Variants in PGBD1 observed in about 807,000 individuals in gnomAD.
The protein encoded by PGBD1 is piggyBac transposable element-derived protein 1.
PGBD1 carries 25 observed loss-of-function variants against 34.7 expected under a neutral mutation model. The ratio of observed to expected loss-of-function variants is 0.72; its 90% CI spans 0.52 to 1.00. PGBD1 has a LOEUF of 1.00. PGBD1 is among the 50% of genes least tolerant of loss of function. PGBD1 has a pLI of 0.00. For missense variants in PGBD1, 830 were observed against 959.4 expected, an observed-to-expected ratio of 0.87 and a Z score of 1.78; for synonymous variants, 292 against 335.7, an observed-to-expected ratio of 0.87 and a Z score of 1.42.
At chr6:28,285,126 G>C (rs1366297490) in intron 2 of PGBD1, among the ~76,000 whole-genome samples, 1 of 152,062 alleles carries the variant, frequency 6.6e-6, no homozygotes, top group Non-Finnish European at 1.5e-5. Context: ...CCCTCAATTT[G>C]AGTTTGTCCT....
chr6:28,297,993 TGA>T lies in PGBD1; in HGVS notation c.869+4_869+5del. On this transcript the variant is annotated splice_donor_region_variant and intron_variant, in intron 6 of 6. Coordinates refer to ENST00000682144, the MANE Select transcript of PGBD1 (RefSeq NM_032507.4). ...AGAAGCCTCAGGAAAGCCCAACAGG[TGA>T]GTGTCCATGGTCCTCAGTGAATCAA... 1.3e-6 allele frequency: 2 copies of T among 1,581,528 alleles called. No individual in the cohort carries two copies. Among genetic ancestry groups the T allele is most frequent in the Non-Finnish European group, 1.7e-6 (2 of 1,152,600 alleles).
chr6:28,300,885 A>C lies in PGBD1; in HGVS notation c.1031A>C (p.Lys344Thr), dbSNP rs1176342200. 1.2e-6 allele frequency: 2 copies of C among 1,614,164 alleles called. No individual in the cohort carries two copies. The highest frequency in any genetic ancestry group is 1.7e-6 in the Non-Finnish European group (2 of 1,180,028). Residue 344 changes from lysine (K) to threonine (T), a missense_variant, in exon 7 of 7, where the codon AAA becomes ACA. By Grantham distance (78) the Lys-to-Thr change is moderately conservative. Around this residue, in one of 3 missense-constraint regions of PGBD1, gnomAD observed 457 missense variants for 515.4 expected, o/e 0.89. Transcript: ENST00000682144. The surrounding 1 kb of genome is among the most constrained non-coding windows in gnomAD (Gnocchi z 4.0). ...GGAGACATTACCCGAAAAGGGAGAA[A>C]AAAAGACAAAGCTCGAGTGAGTGAA... ...AAGDITRKGRKKDKARVSELL... is the reference protein window; with the variant it reads ...AAGDITRKGRTKDKARVSELL...
chr6:28,290,817 C>T (rs190158273), intron 4 of PGBD1, among the ~76,000 whole-genome samples: 18 of 151,910 alleles, frequency 1.2e-4, no homozygotes, highest in Admixed American at 7.9e-4. Flanking sequence ...TACACAAACG[C>T]GTGGAAATTA....
chr6:28,293,612 A>C (rs1324551863), intron 4 of PGBD1, among the ~76,000 whole-genome samples: 1 of 152,202 alleles, frequency 6.6e-6, no homozygotes, highest in Non-Finnish European at 1.5e-5. Context: ...ACTCTGTGTC[A>C]CATTTTGGTA....
intron 4 of PGBD1, among the ~76,000 whole-genome samples, chr6:28,295,754 A>C (rs987291441): frequency 7.2e-5 from 11 of 152,222 alleles, no homozygotes; most frequent in African/African-American, 2.7e-4. Flanking sequence ...AAGCCAAGAA[A>C]TTTCTGTGAC....
chr6:28,297,821 T>G (rs1171351327), intron 5 of PGBD1, 74 bp from the exon 6 acceptor site: 8 of 169,152 alleles, frequency 4.7e-5, no homozygotes, highest in Admixed American at 4.1e-4. Context: ...TGGAAGTTTT[T>G]TTTTTTTTTT....
chr6:28,299,845 A>G (rs1762770088), intron 6 of PGBD1, among the ~76,000 whole-genome samples: 1 of 152,034 alleles, frequency 6.6e-6, no homozygotes, highest in South Asian at 2.1e-4. Context: ...TACTAAAAAT[A>G]CAAAAATTAG....
In PGBD1 at chr6:28,300,410, A is replaced by G. The variant is rs1288783545; in HGVS notation, c.870-314A>G. On this transcript the variant is annotated intron_variant, in intron 6 of 6. Transcript: ENST00000682144. The surrounding 1 kb of genome is among the most constrained non-coding windows in gnomAD (Gnocchi z 4.0). ...CCTCTGCATAGGTCTTCTCAATGCA[A>G]CTTGGGGCACCAAGGAGCATGGGAT... 6.6e-6 allele frequency among the ~76,000 whole-genome samples: 1 copy of G among 152,160 alleles called. No homozygotes were observed. Among genetic ancestry groups the G allele is most frequent in the Non-Finnish European group, 1.5e-5 (1 of 68,024 alleles).
rs201690431 is a variant in PGBD1, at chr6:28,301,108, C to A, written c.1254C>A (p.Asn418Lys). 22 of 1,613,960 alleles carry A rather than the reference C, an allele frequency of 1.4e-5. No homozygotes were observed. Among genetic ancestry groups the A allele is most frequent in the Non-Finnish European group, 1.8e-5 (21 of 1,180,008 alleles). ...TGAATCTCAAGAGCGAAAAGTTGAA[C>A]CCAGTAGAGCTTTTTGAATTATTTT... is the stretch of plus-strand genomic sequence containing the variant. ...GLLNLKSEKL[N>K]PVELFELFFD... Residue 418 changes from asparagine (N) to lysine (K), a missense_variant, in exon 7 of 7, where the codon AAC (asparagine) becomes AAA (lysine). By Grantham distance (94) the Asn-to-Lys change is moderately conservative. Around this residue, in one of 3 missense-constraint regions of PGBD1, gnomAD observed 457 missense variants for 515.4 expected, o/e 0.89. Transcript: ENST00000682144.
At chr6:28,298,742 T>C (rs552154799) in intron 6 of PGBD1, among the ~76,000 whole-genome samples, 33 of 152,190 alleles carry the variant, frequency 2.2e-4, no homozygotes, top group Non-Finnish European at 4.4e-4. Context: ...TTGTAACAGA[T>C]ACTCCTATGC....
At position 28,301,678 on chromosome 6, in the gene PGBD1, G is replaced by A; in HGVS notation, c.1824G>A (p.Met608Ile). Residue 608 changes from methionine to isoleucine, a missense_variant, in exon 7 of 7, where the codon ATG (methionine) becomes ATA (isoleucine). By Grantham distance (10) the Met-to-Ile change is conservative. Transcript: ENST00000682144. ...PDLGLGGNLV[M>I]NFADVLLERG... ...TTGGGTTAGGTGGAAATCTAGTGAT[G>A]AACTTCGCTGATGTTCTTTTAGAGA... 6.2e-7 allele frequency: 1 copy of A among 1,614,116 alleles called. No homozygotes were observed. The highest frequency in any genetic ancestry group is 8.5e-7 in the Non-Finnish European group (1 of 1,180,008).
chr6:28,302,192 G>T lies in PGBD1; in HGVS notation c.2338G>T (p.Ala780Ser), dbSNP rs139051198. ...GAACAATGCATGGCAACTACACAGA[G>T]CCTGTAACCCAGGTGCTTCTCTAGA... ...AMNNAWQLHR[A>S]CNPGASLDPL... The change falls in exon 7 of 7, where the codon GCC becomes TCC. Residue 780 changes from alanine to serine, a missense_variant. Transcript: ENST00000682144. 5.6e-6 allele frequency: 9 copies of T among 1,614,020 alleles called. No individual in the cohort carries two copies. The highest frequency in any genetic ancestry group is 1.3e-5 in the African/African-American group (1 of 74,902).
intron 6 of PGBD1, 50 bp downstream of exon 6, chr6:28,298,041 T>C: frequency 7.7e-7 from 1 of 1,299,746 alleles, no homozygotes; most frequent in South Asian, 1.2e-5. Flanking sequence ...TATAAGAAAT[T>C]GGAATGGAAT....
chr6:28,298,794 C>A (rs966210623), intron 6 of PGBD1, among the ~76,000 whole-genome samples: 3 of 152,010 alleles, frequency 2.0e-5, no homozygotes, highest in Non-Finnish European at 2.9e-5. Flanking sequence ...GGTGGAGAAG[C>A]CTCGGGAATG....
Position 28,281,664 on chromosome 6 carries a change from G to A in PGBD1, c.-293G>A, listed in dbSNP as rs1762133606. 5.5e-6 allele frequency: 2 copies of A among 360,638 alleles called. No homozygotes were observed. Among genetic ancestry groups the A allele is most frequent in the Non-Finnish European group, 9.9e-6 (2 of 202,608 alleles). 22.3% of individuals were successfully genotyped at this position (360,638 alleles called of 1,614,324 possible). On this transcript the variant is annotated 5_prime_UTR_variant, in exon 1 of 7. Transcript: ENST00000682144. Reference sequence around the variant, plus strand: ...TGGGGAAACCGGCGCTCCCGACAGGGGAGCACCGGGCCTCTGAGCTCCCTC... The same window carrying A: ...TGGGGAAACCGGCGCTCCCGACAGGAGAGCACCGGGCCTCTGAGCTCCCTC...
At chr6:28,289,945 A>G (rs887441886) in intron 4 of PGBD1, among the ~76,000 whole-genome samples, 2 of 152,206 alleles carry the variant, frequency 1.3e-5, no homozygotes, top group Middle Eastern at 3.2e-3. Flanking sequence ...GATCTAAGAT[A>G]AGTTGTTATC....
At chr6:28,288,448 G>C (rs1762352540) in intron 4 of PGBD1, among the ~76,000 whole-genome samples, 1 of 152,208 alleles carries the variant, frequency 6.6e-6, no homozygotes. Flanking sequence ...ATGGCAGAAA[G>C]TGGAATGATG....
intron 4 of PGBD1, among the ~76,000 whole-genome samples, chr6:28,287,451 G>A (rs1269581907): frequency 1.3e-5 from 2 of 152,160 alleles, no homozygotes; most frequent in Non-Finnish European, 2.9e-5. Flanking sequence ...TTCAGAAAGT[G>A]CTCCACTCAT....
intron 2 of PGBD1, among the ~76,000 whole-genome samples, chr6:28,284,740 T>A (rs1762237623): frequency 6.6e-6 from 1 of 152,164 alleles, no homozygotes; most frequent in Non-Finnish European, 1.5e-5. Context: ...AGGCTGATCT[T>A]GAACTCCTGG....
Sources: gnomAD v4.1 joint callset for allele counts (sites outside exome capture counted in the v4.1 genomes callset) on GRCh38, gnomAD v4.1.1 for gene constraint, gnomAD v4.1.1 regional missense constraint, Gnocchi (gnomAD v3.1) non-coding constraint, MANE v1.5 for transcripts, NCBI Gene and HGNC (gene_info 2026-07-23, HGNC 2026-07-21) for gene names.